The following FBN2 variants were observed in gnomAD, a reference collection of about 807,000 sequenced individuals.
FBN2 encodes the protein fibrillin 2, also known as fibrillin-2.
In FBN2, 105 loss-of-function variants were observed where a neutral mutation model predicts 355.6. The observed-to-expected ratio is 0.30, with a 90% confidence interval of 0.25 to 0.35. The LOEUF (loss-of-function observed/expected upper bound fraction) is 0.35, where lower values mean the gene tolerates loss of function less well. Among genes scored for constraint, FBN2 ranks in the 10% least tolerant of loss-of-function variants. The probability of loss-of-function intolerance (pLI) is 1.00; values close to 1 mark genes in which losing one functional copy is unlikely to be tolerated. For missense variants in FBN2, 3,280 were observed against 3,758.7 expected (o/e 0.87, Z 3.33); for synonymous variants, 1,350 against 1,301.2 (o/e 1.04, Z -0.81).
chr5:128,311,199 T>G, intron 39 of FBN2, 101 bp downstream of exon 39: 4 of 1,286,636 alleles, frequency 3.1e-6, no homozygotes, highest in Non-Finnish European at 4.5e-6. Context: ...CAATCTTAAT[T>G]GAGCCTTTTG....
rs1291343178 is a variant in FBN2, at chr5:128,444,260, G to C, written c.952+2221C>G. ...GCTAATTTTTTGTATTTTTAGTAGAGACAGGGTTTCACCTTGTTAGCCAGG... is the reference window on the plus strand; with the variant it reads ...GCTAATTTTTTGTATTTTTAGTAGACACAGGGTTTCACCTTGTTAGCCAGG... On this transcript the variant is annotated intron_variant, in intron 7 of 64. Coordinates refer to ENST00000262464, the MANE Select transcript of FBN2 (RefSeq NM_001999.4). Among the ~76,000 whole-genome samples, 29 of 151,352 alleles carry C rather than the reference G, an allele frequency of 1.9e-4. No individual in the cohort carries two copies. The East Asian group carries it at 5.7e-3, about 30-fold the overall frequency.
chr5:128,515,221 T>C (rs1002130891), intron 5 of FBN2, among the ~76,000 whole-genome samples: 7 of 152,174 alleles, frequency 4.6e-5, no homozygotes, highest in Admixed American at 6.6e-5. Context: ...TACAGTTACT[T>C]TACTTCCTGA....
rs775970256 is a variant in FBN2, at chr5:128,326,570, C to A, written c.4471+2126G>T. On this transcript the variant is annotated intron_variant, in intron 34 of 64. Transcript: ENST00000262464. The stretch of plus-strand genomic sequence containing the variant: ...TGGATGCTTAGTGGAAAATATTCAT[C>A]GGAGGATCATGTATTTATAATAAGA... Among the ~76,000 whole-genome samples, 5 of 152,186 alleles carry A rather than the reference C, an allele frequency of 3.3e-5. No homozygotes were observed. The East Asian group carries it at 7.7e-4, about 24-fold the overall frequency.
chr5:128,343,569 A>G (rs1344693386), intron 25 of FBN2, among the ~76,000 whole-genome samples: 3 of 152,208 alleles, frequency 2.0e-5, no homozygotes, highest in African/African-American at 7.2e-5. Flanking sequence ...TCCTGAAGAC[A>G]CAGCTCAAGG....
chr5:128,323,898 G>A (rs890813410), intron 34 of FBN2, among the ~76,000 whole-genome samples: 1 of 152,180 alleles, frequency 6.6e-6, no homozygotes, highest in Admixed American at 6.5e-5. Flanking sequence ...GGATGAATAT[G>A]GCTGTCAATC....
rs779483120 is a variant in FBN2, at chr5:128,276,155, C to A, written c.7477G>T (p.Asp2493Tyr). ...DISGTSCIDL[D>Y]ECSQSPKPCN... Reference sequence around the variant, plus strand: ...GGTTTCGGGGACTGGGAGCATTCATCAAGGTCTAAGTAAAAGTGATGTGAA... The same window carrying A: ...GGTTTCGGGGACTGGGAGCATTCATAAAGGTCTAAGTAAAAGTGATGTGAA... The change falls in exon 59 of 65, where the codon GAT becomes TAT. Residue 2493 changes from aspartate (D) to tyrosine (Y), a missense_variant. Physicochemically the swap from Asp to Tyr is radical, Grantham distance 160. Coordinates refer to ENST00000262464, the MANE Select transcript of FBN2 (RefSeq NM_001999.4). The A allele has an allele frequency of 2.5e-6, 4 of 1,613,546 alleles. No individual in the cohort carries two copies. Among genetic ancestry groups the A allele is most frequent in the Non-Finnish European group, 3.4e-6 (4 of 1,179,684 alleles).
chr5:128,421,160 C>T (rs1753341795), intron 7 of FBN2, among the ~76,000 whole-genome samples: 1 of 152,140 alleles, frequency 6.6e-6, no homozygotes, highest in Non-Finnish European at 1.5e-5. Context: ...AAGTGACAGG[C>T]CTAGAATGCC....
intron 5 of FBN2, among the ~76,000 whole-genome samples, chr5:128,506,092 T>C (rs757839607): frequency 3.3e-5 from 5 of 152,198 alleles, no homozygotes; most frequent in African/African-American, 4.8e-5. Context: ...TTACAAGCAA[T>C]GCATACAGTA....
intron 62 of FBN2, 72 bp from the exon 63 acceptor site, chr5:128,263,728 C>G (rs1765043304): frequency 1.0e-6 from 1 of 982,190 alleles, no homozygotes; most frequent in South Asian, 1.5e-5. Context: ...AGTCTGGAGT[C>G]TCAAGTGCCT....
rs771198883 is a variant in FBN2, at chr5:128,286,793, T to C, written c.6937A>G (p.Lys2313Glu). The C allele has an allele frequency of 6.2e-7, 1 of 1,614,052 alleles. No individual in the cohort carries two copies. The highest frequency in any genetic ancestry group is 2.2e-5 in the East Asian group (1 of 44,884). The change falls in exon 55 of 65, where the codon AAG (lysine) becomes GAG (glutamate). Residue 2313 changes from lysine to glutamate, a missense_variant. Coordinates refer to ENST00000262464, the MANE Select transcript of FBN2 (RefSeq NM_001999.4). The part of the protein sequence containing the change: ...HDCESRGMMC[K>E]NLIGTFMCIC... ...CACATGAAGGTGCCGATTAGATTCT[T>C]ACACATCATGCCCCTAGATTCACAG...
intron 58 of FBN2, 34 bp downstream of exon 58, chr5:128,277,846 C>A: frequency 1.9e-6 from 3 of 1,613,602 alleles, no homozygotes; most frequent in Non-Finnish European, 2.5e-6. Context: ...TGATTAGCCC[C>A]CAAACCCCTG....
At chr5:128,292,739 A>ATT (rs1749362000) in intron 48 of FBN2, among the ~76,000 whole-genome samples, 1 of 152,144 alleles carries the variant, frequency 6.6e-6, no homozygotes. Flanking sequence ...GTTTCCAAAT[A>ATT]GCCTCTTCTG....
At chr5:128,508,303 C>A (rs989067151) in intron 5 of FBN2, among the ~76,000 whole-genome samples, 22 of 152,040 alleles carry the variant, frequency 1.4e-4, no homozygotes, top group African/African-American at 5.3e-4. Context: ...CTACCACTTT[C>A]TATTTGTTTT....
At chr5:128,341,016 C>G (rs1203723040) in intron 25 of FBN2, among the ~76,000 whole-genome samples, 1 of 152,142 alleles carries the variant, frequency 6.6e-6, no homozygotes, top group African/African-American at 2.4e-5. Context: ...CACAGATTGG[C>G]TGGACTGGAG....
At chr5:128,502,902 T>C (rs1755856134) in intron 5 of FBN2, among the ~76,000 whole-genome samples, 2 of 152,228 alleles carry the variant, frequency 1.3e-5, no homozygotes, top group Non-Finnish European at 2.9e-5. Flanking sequence ...AATTTAGCTT[T>C]TAACTCTTTG....
chr5:128,290,691 C>G, intron 50 of FBN2, 41 bp downstream of exon 50: 2 of 1,605,224 alleles, frequency 1.2e-6, no homozygotes, highest in Non-Finnish European at 1.7e-6. Context: ...CATTCAAAAA[C>G]TGGTACACAA....
At chr5:128,280,125 C>T in intron 56 of FBN2, 67 bp downstream of exon 56, 1 of 1,322,808 alleles carries the variant, frequency 7.6e-7, no homozygotes, top group Non-Finnish European at 1.1e-6. Context: ...ATGTGGAGCT[C>T]TTCTGTGATG....
rs747303757 is a variant in FBN2 at position 128,495,529 on chromosome 5, A to G, written c.628+23744T>C. On this transcript the variant is annotated intron_variant, in intron 5 of 64. Transcript: ENST00000262464. Reference sequence around the variant, plus strand: ...TATCACAGTAAAAACATTAAAGACAAAAAGACAACTGTCAACAGCTGACTT... The same window carrying G: ...TATCACAGTAAAAACATTAAAGACAGAAAGACAACTGTCAACAGCTGACTT... Among the ~76,000 whole-genome samples the G allele has an allele frequency of 4.3e-4, 65 of 152,310 alleles. 1 individual carries two copies. Among genetic ancestry groups the G allele is most frequent in the Middle Eastern group, 6.8e-3 (2 of 294 alleles).
chr5:128,529,835 T>A (rs1756657341), intron 3 of FBN2, among the ~76,000 whole-genome samples: 1 of 152,180 alleles, frequency 6.6e-6, no homozygotes, highest in Non-Finnish European at 1.5e-5. Context: ...TCAAAGGAAG[T>A]GAAATTAAGA....
Sources: gnomAD v4.1 joint callset for allele counts (sites outside exome capture counted in the v4.1 genomes callset) on GRCh38, gnomAD v4.1.1 for gene constraint, MANE v1.5 for transcripts, NCBI Gene and HGNC (gene_info 2026-07-23, HGNC 2026-07-21) for gene names.